TNIK: variants seen among roughly 807,000 people sequenced by gnomAD.
TNIK encodes TRAF2 and NCK-interacting protein kinase.
In TNIK, 49 loss-of-function variants were observed where a neutral mutation model predicts 191.3. The ratio of observed to expected loss-of-function variants is 0.26; its 90% CI spans 0.20 to 0.32. The LOEUF (loss-of-function observed/expected upper bound fraction) is 0.32. Among genes scored for constraint, TNIK ranks in the 10% least tolerant of loss-of-function variants. TNIK has a pLI of 1.00. For synonymous variants in TNIK, 594 were observed against 600.9 expected (o/e 0.99, Z 0.17); for missense variants, 1,155 against 1,702.3 (o/e 0.68, Z 5.66).
intron 7 of TNIK, among the ~76,000 whole-genome samples, chr3:171,185,828 T>C (rs1737296575): frequency 6.6e-6 from 1 of 152,256 alleles, no homozygotes; most frequent in Admixed American, 6.5e-5. Flanking sequence ...CTCTTTTTCT[T>C]TTTCTTCTTG....
chr3:171,352,398 G>A (rs767453635), intron 2 of TNIK, among the ~76,000 whole-genome samples: 11 of 152,084 alleles, frequency 7.2e-5, no homozygotes, highest in Non-Finnish European at 8.8e-5. Flanking sequence ...AACTTTAAAG[G>A]CATCCCCTTT....
In TNIK at chr3:171,127,698, C is replaced by G. The variant is rs574532355; in HGVS notation, c.1773+1016G>C. Reference sequence around the variant, plus strand: ...GGGTTAGGCATGAAAGAATTATATACAAATTAAAAACAGCCAAGAGGAAGA... The same window carrying G: ...GGGTTAGGCATGAAAGAATTATATAGAAATTAAAAACAGCCAAGAGGAAGA... On this transcript the variant is annotated intron_variant, in intron 16 of 32. Transcript: ENST00000436636. Among the ~76,000 whole-genome samples the G allele has an allele frequency of 8.5e-5, 13 of 152,212 alleles. No individual in the cohort carries two copies. The South Asian group carries it at 2.5e-3, about 29-fold the overall frequency.
At chr3:171,147,160 CTG>C (rs1487822298) in intron 12 of TNIK, among the ~76,000 whole-genome samples, 1 of 152,170 alleles carries the variant, frequency 6.6e-6, no homozygotes, top group Admixed American at 6.5e-5. Context: ...GGAAACCCTA[CTG>C]TGACTGTGGA....
rs141669767 is a variant in TNIK, at chr3:171,215,873, G to A, written c.181-4632C>T. On this transcript the variant is annotated intron_variant, in intron 3 of 32. Coordinates refer to ENST00000436636, the MANE Select transcript of TNIK (RefSeq NM_015028.4). ...CTGCCCAACATTTAACTCTCAATCC[G>A]TGGCAGAGGAATGAAACTATGCAAT... is the stretch of plus-strand genomic sequence containing the variant. Among the ~76,000 whole-genome samples the A allele has an allele frequency of 1.6e-4, 25 of 152,210 alleles. 1 individual carries two copies. Among genetic ancestry groups the A allele is most frequent in the South Asian group, 6.2e-4 (3 of 4,822 alleles).
intron 30 of TNIK, 97 bp downstream of exon 30, chr3:171,068,751 T>C (rs1375324644): frequency 1.6e-5 from 20 of 1,225,218 alleles, no homozygotes; most frequent in African/African-American, 3.1e-5. Context: ...GTTAGTAAAG[T>C]GTGCATGACT....
chr3:171,062,087 A>C lies in TNIK; in HGVS notation c.*1794T>G, dbSNP rs1476109837. Reference sequence around the variant, plus strand: ...CAAACCACTAGATTGAAATGGCTCCATTTTCCTAATGTGTATTTCGTTCTC... The same window carrying C: ...CAAACCACTAGATTGAAATGGCTCCCTTTTCCTAATGTGTATTTCGTTCTC... On this transcript the variant is annotated 3_prime_UTR_variant, in exon 33 of 33. Transcript: ENST00000436636. 1 of 152,000 alleles carries C rather than the reference A, an allele frequency of 6.6e-6. No individual in the cohort carries two copies. Among genetic ancestry groups the C allele is most frequent in the East Asian group, 1.9e-4 (1 of 5,184 alleles). 9.4% of individuals were successfully genotyped at this position (152,000 alleles called of 1,614,324 possible).
intron 21 of TNIK, chr3:171,102,213 T>C (rs1408335562): frequency 2.0e-5 from 3 of 152,160 alleles, no homozygotes; most frequent in African/African-American, 7.2e-5. Flanking sequence ...CTAGTGCCAC[T>C]GAAATTTACA....
At chr3:171,274,934 T>C (rs774069218) in intron 2 of TNIK, among the ~76,000 whole-genome samples, 1 of 152,174 alleles carries the variant, frequency 6.6e-6, no homozygotes, top group Non-Finnish European at 1.5e-5. Context: ...AAACTTGAGA[T>C]TCTTCGAAGG....
In TNIK at chr3:171,157,671, G is replaced by A. The variant is rs1733394198; in HGVS notation, c.1017-7C>T. On this transcript the variant is annotated splice_region_variant and splice_polypyrimidine_tract_variant and intron_variant, in intron 11 of 32. Transcript: ENST00000436636. ...TGGCAGATTCAGGATGGAGCTGTGG[G>A]TAGGAGAGAGTGATCAGGATCCCAC... 6.4e-7 allele frequency: 1 copy of A among 1,552,996 alleles called. No homozygotes were observed. The highest frequency in any genetic ancestry group is 8.7e-7 in the Non-Finnish European group (1 of 1,147,824).
rs1054520567 is a variant in TNIK at position 171,159,837 on chromosome 3, TAAC to T, written c.1016+1430_1016+1432del. On this transcript the variant is annotated intron_variant, in intron 11 of 32. Transcript: ENST00000436636. The surrounding 1 kb of genome is among the most constrained non-coding windows in gnomAD (Gnocchi z 4.1). ...AACAGGACTTGGACTTAAAGTATAA[TAAC>T]AACAACAACAGGACTTGGAACATAA... 2.6e-5 allele frequency among the ~76,000 whole-genome samples: 4 copies of T among 152,198 alleles called. No individual in the cohort carries two copies. The highest frequency in any genetic ancestry group is 9.7e-5 in the African/African-American group (4 of 41,446).
intron 2 of TNIK, among the ~76,000 whole-genome samples, chr3:171,308,302 C>T (rs2172392): frequency 0.46 from 70,423 of 151,838 alleles, 16,989 homozygotes; most frequent in Non-Finnish European, 0.51. Context: ...TTTGACGAAG[C>T]TGACAAAAAC....
chr3:171,198,848 A>C (rs1379516969), intron 4 of TNIK, among the ~76,000 whole-genome samples: 1 of 152,218 alleles, frequency 6.6e-6, no homozygotes, highest in African/African-American at 2.4e-5. Context: ...CCGAGTGAGC[A>C]AAACATGTTT....
chr3:171,105,078 TAATTTTTATA>T (rs1196146581), intron 21 of TNIK, among the ~76,000 whole-genome samples: 1 of 152,184 alleles, frequency 6.6e-6, no homozygotes, highest in Non-Finnish European at 1.5e-5. Context: ...TCCCCCAAAT[TAATTTTTATA>T]AAAAGTTAAA....
At chr3:171,357,875 C>T (rs1714359888) in intron 2 of TNIK, among the ~76,000 whole-genome samples, 2 of 152,132 alleles carry the variant, frequency 1.3e-5, no homozygotes, top group Non-Finnish European at 2.9e-5. Context: ...CAGTGGGAAT[C>T]AGGATGGGCC....
intron 1 of TNIK, among the ~76,000 whole-genome samples, chr3:171,414,513 A>T (rs1372495651): frequency 6.6e-6 from 1 of 152,214 alleles, no homozygotes; most frequent in Non-Finnish European, 1.5e-5. Flanking sequence ...ACGTTCATAC[A>T]CATCCTTCAT....
intron 23 of TNIK, among the ~76,000 whole-genome samples, chr3:171,090,886 C>A (rs953708404): frequency 6.6e-6 from 1 of 152,178 alleles, no homozygotes; most frequent in African/African-American, 2.4e-5. Context: ...ATCTAGTCCA[C>A]TCCACAAGAT....
chr3:171,086,531 G>A (rs1369454689), intron 24 of TNIK, among the ~76,000 whole-genome samples: 1 of 152,208 alleles, frequency 6.6e-6, no homozygotes, highest in Admixed American at 6.5e-5. Context: ...GTGCTTTGCA[G>A]TATATCACTG....
At chr3:171,352,326 G>C (rs781311268) in intron 2 of TNIK, among the ~76,000 whole-genome samples, 1 of 152,134 alleles carries the variant, frequency 6.6e-6, no homozygotes, top group African/African-American at 2.4e-5. Flanking sequence ...CACCTTTTAA[G>C]CCTTTGGATT....
At chr3:171,073,500 A>T (rs914357871) in intron 28 of TNIK, among the ~76,000 whole-genome samples, 2 of 152,212 alleles carry the variant, frequency 1.3e-5, no homozygotes, top group Admixed American at 6.5e-5. Flanking sequence ...AGCAAATGCA[A>T]CAAAAACAAA....
Sources: allele counts gnomAD v4.1 joint callset (sites outside exome capture counted in the v4.1 genomes callset), GRCh38; gene constraint gnomAD v4.1.1; non-coding constraint Gnocchi (gnomAD v3.1); transcripts MANE v1.5; gene names NCBI Gene and HGNC (gene_info 2026-07-23, HGNC 2026-07-21).